Variants in COG5 observed in about 807,000 individuals in gnomAD.
COG5 encodes the protein component of oligomeric golgi complex 5.
COG5 carries 86 observed loss-of-function variants against 110.4 expected under a neutral mutation model. The observed-to-expected ratio is 0.78, with a 90% confidence interval of 0.65 to 0.93. The LOEUF is 0.93. Ranked by LOEUF, COG5 falls within the 40% of genes least tolerant of loss-of-function variation. The probability of loss-of-function intolerance (pLI) is 0.00; values close to 1 mark genes in which losing one functional copy is unlikely to be tolerated. For missense variants in COG5, 1,077 were observed against 987.0 expected, an observed-to-expected ratio of 1.09 and a Z score of -1.22; for synonymous variants, 360 against 334.6, an observed-to-expected ratio of 1.08 and a Z score of -0.83.
intron 5 of COG5, among the ~76,000 whole-genome samples, chr7:107,544,675 C>T (rs116724798): frequency 6.6e-6 from 1 of 152,162 alleles, no homozygotes; most frequent in African/African-American, 2.4e-5. Context: ...CCAGCCAAAG[C>T]CAGTCTGCAA....
At chr7:107,261,138 T>C (rs547280181) in intron 14 of COG5, among the ~76,000 whole-genome samples, 1 of 152,136 alleles carries the variant, frequency 6.6e-6, no homozygotes. Flanking sequence ...ATCCTGTGAA[T>C]AGGGTATTTT....
At chr7:107,551,101 G>A (rs763644259) in intron 3 of COG5, among the ~76,000 whole-genome samples, 11 of 152,104 alleles carry the variant, frequency 7.2e-5, no homozygotes, top group Non-Finnish European at 1.6e-4. Context: ...GGAGTGTAGT[G>A]GCATGATCTC....
chr7:107,409,451 A>C (rs1792115806), intron 7 of COG5, among the ~76,000 whole-genome samples: 1 of 150,312 alleles, frequency 6.7e-6, no homozygotes, highest in South Asian at 2.1e-4. Context: ...AAGCCACAAT[A>C]GTGTAGACTG....
intron 8 of COG5, among the ~76,000 whole-genome samples, chr7:107,365,278 A>G (rs1813499000): frequency 6.6e-6 from 1 of 152,124 alleles, no homozygotes; most frequent in Admixed American, 6.6e-5. Flanking sequence ...TGACGGTGGA[A>G]TAAAATCATT....
intron 17 of COG5, 101 bp downstream of exon 17, chr7:107,248,295 G>A (rs1305590727): frequency 1.3e-6 from 1 of 788,546 alleles, no homozygotes; most frequent in Admixed American, 1.8e-5. Flanking sequence ...AAAGGAACAA[G>A]GCCCTGGATG....
intron 11 of COG5, among the ~76,000 whole-genome samples, chr7:107,321,911 A>G (rs1290586506): frequency 6.6e-6 from 1 of 152,224 alleles, no homozygotes; most frequent in African/African-American, 2.4e-5. Context: ...CACTGTTAAG[A>G]AAACAAAAAG....
intron 6 of COG5, among the ~76,000 whole-genome samples, chr7:107,468,764 C>G (rs1441958417): frequency 6.6e-6 from 1 of 151,922 alleles, no homozygotes; most frequent in East Asian, 1.9e-4. Context: ...CAAATAAAAA[C>G]CAGTATACAT....
At chr7:107,293,833 A>C (rs1806370056) in intron 12 of COG5, among the ~76,000 whole-genome samples, 1 of 152,122 alleles carries the variant, frequency 6.6e-6, no homozygotes, top group South Asian at 2.1e-4. Context: ...ACACTTTGGG[A>C]GGCTGAGGTG....
intron 10 of COG5, among the ~76,000 whole-genome samples, chr7:107,361,174 T>A (rs1467619635): frequency 5.3e-5 from 8 of 152,196 alleles, no homozygotes; most frequent in Non-Finnish European, 1.0e-4. Context: ...AGAATCATTA[T>A]CCTATGAATC....
intron 18 of COG5, among the ~76,000 whole-genome samples, chr7:107,235,021 C>T (rs1312368278): frequency 6.6e-6 from 1 of 152,156 alleles, no homozygotes; most frequent in African/African-American, 2.4e-5. Flanking sequence ...GTGGCTACTA[C>T]AAGCATATTT....
At chr7:107,270,497 G>A (rs1376705756) in intron 14 of COG5, among the ~76,000 whole-genome samples, 2 of 152,096 alleles carry the variant, frequency 1.3e-5, no homozygotes, top group Non-Finnish European at 2.9e-5. Context: ...CATGGCTCAA[G>A]CGATCCACCT....
At chr7:107,530,525 C>T (rs1172840153) in intron 5 of COG5, among the ~76,000 whole-genome samples, 27 of 137,188 alleles carry the variant, frequency 2.0e-4, no homozygotes, top group Admixed American at 1.7e-3. Flanking sequence ...CGCTTGAACC[C>T]GGGAGGCGGA....
chr7:107,362,052 A>C lies in COG5; in HGVS notation c.1007T>G (p.Phe336Cys). ...KKRDPVSHIC[F>C]IEEIVKDGQP... ...ACATACCTTAACTATTTCTTCAATG[A>C]AACAAATGTGAGAAACAGGATCTCT... The change falls in exon 10 of 22, where the codon TTC (phenylalanine) becomes TGC (cysteine). Residue 336 changes from phenylalanine (F) to cysteine (C), a missense_variant. Coordinates refer to ENST00000297135, the MANE Select transcript of COG5 (RefSeq NM_006348.5). 1 of 1,606,214 alleles carries C rather than the reference A, an allele frequency of 6.2e-7. No individual in the cohort carries two copies. The highest frequency in any genetic ancestry group is 8.5e-7 in the Non-Finnish European group (1 of 1,173,742).
chr7:107,443,942 G>C (rs147303612), intron 6 of COG5, among the ~76,000 whole-genome samples: 13 of 152,238 alleles, frequency 8.5e-5, no homozygotes, highest in African/African-American at 2.6e-4. Context: ...TTTGTTTGTA[G>C]GAATCTACAG....
At chr7:107,247,714 A>G (rs1055562507) in intron 17 of COG5, among the ~76,000 whole-genome samples, 1 of 152,202 alleles carries the variant, frequency 6.6e-6, no homozygotes, top group African/African-American at 2.4e-5. Context: ...ACTCTATTTT[A>G]AAAGATTTCT....
rs536509955 is a variant in COG5, at chr7:107,454,492, T to C, written c.539-41860A>G. On this transcript the variant is annotated intron_variant, in intron 6 of 21. Coordinates refer to ENST00000297135, the MANE Select transcript of COG5 (RefSeq NM_006348.5). Reference sequence around the variant, plus strand: ...ATTCTTTACAAGTAATCTTATTCTTTAAAGTATTTTTTATATAAATGGACT... The same window carrying C: ...ATTCTTTACAAGTAATCTTATTCTTCAAAGTATTTTTTATATAAATGGACT... Among the ~76,000 whole-genome samples the C allele has an allele frequency of 2.5e-4, 38 of 152,320 alleles. 1 individual carries two copies. Among genetic ancestry groups the C allele is most frequent in the African/African-American group, 6.7e-4 (28 of 41,576 alleles).
chr7:107,369,341 T>C (rs1375307167), intron 8 of COG5, among the ~76,000 whole-genome samples: 2 of 152,078 alleles, frequency 1.3e-5, no homozygotes, highest in Non-Finnish European at 2.9e-5. Context: ...TATCCATTGC[T>C]TGTACTTTTT....
At chr7:107,387,053 A>G (rs1306012695) in intron 7 of COG5, among the ~76,000 whole-genome samples, 2 of 152,260 alleles carry the variant, frequency 1.3e-5, no homozygotes, top group East Asian at 1.9e-4. Context: ...CCCTGTCTTA[A>G]GCAAGTGGCA....
intron 10 of COG5, among the ~76,000 whole-genome samples, chr7:107,361,190 C>T (rs975179093): frequency 2.6e-5 from 4 of 152,220 alleles, no homozygotes; most frequent in African/African-American, 9.6e-5. Context: ...GAATCATTAT[C>T]AAAAACACAT....
Sources: gnomAD v4.1 joint callset for allele counts (sites outside exome capture counted in the v4.1 genomes callset) on GRCh38, gnomAD v4.1.1 for gene constraint, MANE v1.5 for transcripts, NCBI Gene and HGNC (gene_info 2026-07-23, HGNC 2026-07-21) for gene names.